Variants in FN1 observed in about 807,000 individuals in gnomAD.
FN1 encodes fibronectin 1, also known as fibronectin.
Under a neutral mutation model 297.3 loss-of-function variants are expected in FN1, and 106 were observed. The observed-to-expected ratio is 0.36, with a 90% CI of 0.30 to 0.42. The LOEUF (loss-of-function observed/expected upper bound fraction) is 0.42. FN1 is among the 10% of genes least tolerant of loss of function. The pLI, the probability that FN1 is intolerant of heterozygous loss-of-function variation, is 1.00. For synonymous variants in FN1, 1,149 were observed against 1,152.6 expected, an observed-to-expected ratio of 1.00 and a Z score of 0.06; for missense variants, 2,690 against 3,124.9, an observed-to-expected ratio of 0.86 and a Z score of 3.32.
chr2:215,411,947 G>A (rs912164176), intron 13 of FN1, among the ~76,000 whole-genome samples: 2 of 152,040 alleles, frequency 1.3e-5, no homozygotes, highest in African/African-American at 2.4e-5. Flanking sequence ...GATTACAGGC[G>A]TGAGCCACTG....
intron 30 of FN1, among the ~76,000 whole-genome samples, 198 bp downstream of exon 30, chr2:215,383,822 C>T (rs2058540103): frequency 6.6e-6 from 1 of 152,174 alleles, no homozygotes; most frequent in Non-Finnish European, 1.5e-5. Flanking sequence ...ATCGACAAAA[C>T]TGACTGAACT....
chr2:215,430,835 G>T lies in FN1; in HGVS notation c.565C>A (p.His189Asn), dbSNP rs1170408720. 2 of 1,613,898 alleles carry T rather than the reference G, an allele frequency of 1.2e-6. No homozygotes were observed. Among genetic ancestry groups the T allele is most frequent in the African/African-American group, 2.7e-5 (2 of 74,894 alleles). Residue 189 changes from histidine (H) to asparagine (N), a missense_variant, in exon 5 of 46, where the codon CAT becomes AAT. His to Asn is a moderately conservative substitution (Grantham distance 68). Transcript: ENST00000354785. ...CKPIAEKCFD[H>N]AAGTSYVVGE... ...ACCACATAGGAAGTCCCAGCAGCAT[G>T]ATCAAAACACTTCTCAGCTGTAGGG...
At chr2:215,408,030 C>A in intron 17 of FN1, 78 bp downstream of exon 17, 1 of 1,071,458 alleles carries the variant, frequency 9.3e-7, no homozygotes, top group South Asian at 1.2e-5. Flanking sequence ...TATGCAGGTC[C>A]GCAGTCAGAA....
At chr2:215,369,371 A>G (rs888501654) in intron 41 of FN1, among the ~76,000 whole-genome samples, 6 of 152,288 alleles carry the variant, frequency 3.9e-5, no homozygotes, top group African/African-American at 1.4e-4. Context: ...TCTCCTCCCA[A>G]CCTCTCTCCA....
At chr2:215,399,617 A>C (rs2060750048) in intron 20 of FN1, among the ~76,000 whole-genome samples, 1 of 152,170 alleles carries the variant, frequency 6.6e-6, no homozygotes, top group African/African-American at 2.4e-5. Context: ...CATTTCTGAC[A>C]AACACAGATA....
In FN1 at chr2:215,384,940, G is replaced by T. The variant is rs202245868; in HGVS notation, c.4649C>A (p.Ala1550Glu). The change falls in exon 29 of 46, where the codon GCG becomes GAG. Residue 1550 changes from alanine (A) to glutamate (E), a missense_variant. Around this residue, in one of 3 missense-constraint regions of FN1, gnomAD observed 1,743 missense variants for 1,945.2 expected, o/e 0.90. Coordinates refer to ENST00000354785, the MANE Select transcript of FN1 (RefSeq NM_212482.4). ...DVPRDLEVVA[A>E]TPTSLLISWD... ...GCTGATCAGTAGGCTGGTGGGGGTC[G>T]CAGCAACAACTTCCAGGTCCCTCGG... 6.2e-7 allele frequency: 1 copy of T among 1,613,692 alleles called. No individual in the cohort carries two copies.
Position 215,372,124 on chromosome 2 carries a change from A to G in FN1, c.6499T>C (p.Tyr2167His). The G allele has an allele frequency of 1.9e-6, 3 of 1,614,164 alleles. No individual in the cohort carries two copies. The highest frequency in any genetic ancestry group is 2.5e-6 in the Non-Finnish European group (3 of 1,180,026). ...ATTTCCTCACCTACATTCGGCGGGT[A>G]TGGTCTTGGCCTATGCCTTATGGGG... The part of the protein sequence containing the change: ...ATPIRHRPRP[Y>H]PPNVGEEIQI... The change falls in exon 40 of 46, where the codon TAC becomes CAC. Residue 2167 changes from tyrosine (Y) to histidine (H), a missense_variant. Tyr to His is a moderately conservative substitution (Grantham distance 83, BLOSUM62 2). Around this residue, in one of 3 missense-constraint regions of FN1, gnomAD observed 1,743 missense variants for 1,945.2 expected, o/e 0.90. Transcript: ENST00000354785.
intron 44 of FN1, chr2:215,363,727 C>T (rs774906359): frequency 7.2e-5 from 11 of 151,934 alleles, no homozygotes; most frequent in Admixed American, 5.9e-4. Flanking sequence ...GGCATGTCTT[C>T]GTTGAAAACA....
chr2:215,435,818 G>A lies in FN1; in HGVS notation c.-16C>T, dbSNP rs2067389052. On this transcript the variant is annotated 5_prime_UTR_variant, in exon 1 of 46. Coordinates refer to ENST00000354785, the MANE Select transcript of FN1 (RefSeq NM_212482.4). Reference sequence around the variant, plus strand: ...CCCTAAGCATGTTGAGACGGTGGGGGAGAGACGCCCGCACCGGGAGGCAAG... The same window carrying A: ...CCCTAAGCATGTTGAGACGGTGGGGAAGAGACGCCCGCACCGGGAGGCAAG... 1.3e-6 allele frequency: 2 copies of A among 1,532,344 alleles called. No homozygotes were observed. The highest frequency in any genetic ancestry group is 1.8e-6 in the Non-Finnish European group (2 of 1,141,924). The allele number at this position is 1,532,344 out of a possible 1,614,324, so 94.9% of individuals were successfully genotyped here. A position where few individuals can be genotyped will look rare whatever the true frequency, so the allele number is the denominator to read the frequency against.
intron 22 of FN1, 124 bp from the exon 23 acceptor site, chr2:215,397,347 A>G (rs576727213): frequency 2.7e-6 from 2 of 733,984 alleles, no homozygotes; most frequent in Non-Finnish European, 4.9e-6. Context: ...TCCCATAAAA[A>G]TATAGGTTAC....
At chr2:215,423,310 T>C (rs2064772264) in intron 9 of FN1, 40 bp downstream of exon 9, 3 of 1,607,312 alleles carry the variant, frequency 1.9e-6, no homozygotes, top group African/African-American at 1.3e-5. Context: ...ACTCCCTAAA[T>C]TGTTGTCAAA....
At chr2:215,427,350 A>T (rs1184229154) in intron 6 of FN1, among the ~76,000 whole-genome samples, 1 of 152,216 alleles carries the variant, frequency 6.6e-6, no homozygotes, top group Non-Finnish European at 1.5e-5. Flanking sequence ...TGGCTGAGAC[A>T]CTACGTAATG....
intron 29 of FN1, 90 bp from the exon 30 acceptor site, chr2:215,384,274 T>G: frequency 2.4e-6 from 3 of 1,255,562 alleles, no homozygotes; most frequent in South Asian, 2.4e-5. Context: ...TATAGCAGCA[T>G]GTAAATCACA....
At chr2:215,393,355 T>C in intron 24 of FN1, 152 bp from the exon 25 acceptor site, 1 of 693,284 alleles carries the variant, frequency 1.4e-6, no homozygotes, top group Non-Finnish European at 2.3e-6. Context: ...TTTTAAATTC[T>C]CTGAAAAGAC....
chr2:215,428,165 C>T lies in FN1; in HGVS notation c.844+15G>A. 2 of 1,613,726 alleles carry T rather than the reference C, an allele frequency of 1.2e-6. No homozygotes were observed. The highest frequency in any genetic ancestry group is 2.2e-5 in the East Asian group (1 of 44,890). On this transcript the variant is annotated intron_variant, in intron 6 of 45. Coordinates refer to ENST00000354785, the MANE Select transcript of FN1 (RefSeq NM_212482.4). ...TGCTTCCCCATTTCCCGCCCCTGCT[C>T]GTCCTGTGCCTCACCGCTCGATGTG...
intron 42 of FN1, 53 bp downstream of exon 42, chr2:215,367,810 C>G: frequency 6.3e-7 from 1 of 1,578,552 alleles, no homozygotes; most frequent in East Asian, 2.2e-5. Context: ...TGAGTGCATG[C>G]ATGGAACTTG....
intron 26 of FN1, among the ~76,000 whole-genome samples, chr2:215,390,097 C>T (rs2059542086): frequency 6.6e-6 from 1 of 152,180 alleles, no homozygotes; most frequent in African/African-American, 2.4e-5. Context: ...GAATGGAGGA[C>T]CAGATGCCTG....
At position 215,361,589 on chromosome 2, in the gene FN1, T is replaced by C. The variant is rs778200057; in HGVS notation, c.7400A>G (p.Asp2467Gly). ...GGAATCTTCTCTGTCAGCCTGTACA[T>C]CTAAAGGCATGAAGCACTCAATTGG... ...NCPIECFMPL[D>G]VQADREDSRE The change falls in exon 46 of 46, where the codon GAT (aspartate) becomes GGT (glycine). Residue 2467 changes from aspartate to glycine, a missense_variant. By Grantham distance (94) the Asp-to-Gly change is moderately conservative. Around this residue, in one of 3 missense-constraint regions of FN1, gnomAD observed 1,743 missense variants for 1,945.2 expected, o/e 0.90. Coordinates refer to ENST00000354785, the MANE Select transcript of FN1 (RefSeq NM_212482.4). 5.0e-6 allele frequency: 8 copies of C among 1,612,554 alleles called. 1 individual carries two copies. In the South Asian group the frequency reaches 7.7e-5, roughly 15 times the overall value.
Position 215,428,306 on chromosome 2 carries a change from A to G in FN1, c.718T>C (p.Tyr240His). The G allele has an allele frequency of 2.5e-6, 4 of 1,614,152 alleles. No individual in the cohort carries two copies. The highest frequency in any genetic ancestry group is 2.5e-6 in the Non-Finnish European group (3 of 1,179,980). Reference protein sequence around the residue: ...RCNDQDTRTSYRIGDTWSKKD... With the variant: ...RCNDQDTRTSHRIGDTWSKKD... ...TTGCTCCAGGTGTCTCCAATTCTAT[A>G]GGATGTCCTTGTGTCCTGATCGTTG... is the stretch of plus-strand genomic sequence containing the variant. Residue 240 changes from tyrosine (Y) to histidine (H), a missense_variant, in exon 6 of 46, where the codon TAT (tyrosine) becomes CAT (histidine). Around this residue, in one of 3 missense-constraint regions of FN1, gnomAD observed 876 missense variants for 1,058.1 expected, o/e 0.83. Transcript: ENST00000354785.
Sources: allele counts gnomAD v4.1 joint callset (sites outside exome capture counted in the v4.1 genomes callset), GRCh38; gene constraint gnomAD v4.1.1; regional missense constraint gnomAD v4.1.1; transcripts MANE v1.5; gene names NCBI Gene and HGNC (gene_info 2026-07-23, HGNC 2026-07-21).